The following PRKN variants were observed in gnomAD, a reference collection of about 807,000 sequenced individuals.
The protein encoded by PRKN is parkin RBR E3 ubiquitin protein ligase, also known as E3 ubiquitin-protein ligase parkin.
PRKN carries 56 observed loss-of-function variants against 59.5 expected under a neutral mutation model. That is an observed-to-expected ratio of 0.94 (90% CI 0.76 to 1.18). PRKN has a LOEUF of 1.18. PRKN is among the 50% of genes most tolerant of loss of function. The pLI, the probability that PRKN is intolerant of heterozygous loss-of-function variation, is 0.00. For synonymous variants in PRKN, 250 were observed against 222.1 expected (o/e 1.13, Z -1.12); for missense variants, 657 against 596.4 (o/e 1.10, Z -1.06).
chr6:162,268,309 G>T (rs1235093471), intron 2 of PRKN, among the ~76,000 whole-genome samples: 1 of 152,082 alleles, frequency 6.6e-6, no homozygotes, highest in Admixed American at 6.6e-5. Flanking sequence ...TTCATGAATG[G>T]GATTAGTGCC....
chr6:161,719,605 C>G (rs928754332), intron 7 of PRKN, among the ~76,000 whole-genome samples: 4 of 152,064 alleles, frequency 2.6e-5, no homozygotes, highest in Admixed American at 2.6e-4. Context: ...GAATATAATA[C>G]TATTTAGCCT....
intron 1 of PRKN, among the ~76,000 whole-genome samples, chr6:162,680,155 A>C (rs1458048586): frequency 6.6e-6 from 1 of 151,500 alleles, no homozygotes; most frequent in Non-Finnish European, 1.5e-5. Flanking sequence ...ATATACACTT[A>C]ATATATACTT....
chr6:162,497,577 A>G (rs1583671697), intron 1 of PRKN, among the ~76,000 whole-genome samples: 1 of 152,164 alleles, frequency 6.6e-6, no homozygotes, highest in South Asian at 2.1e-4. Flanking sequence ...ACTTAGAATC[A>G]TTTTGCAGAG....
At chr6:162,030,564 C>A (rs776186684) in intron 5 of PRKN, among the ~76,000 whole-genome samples, 1 of 152,180 alleles carries the variant, frequency 6.6e-6, no homozygotes, top group Non-Finnish European at 1.5e-5. Flanking sequence ...TGGTTTAAGG[C>A]CTTTCCAGCA....
intron 4 of PRKN, among the ~76,000 whole-genome samples, chr6:162,112,742 C>T (rs934891749): frequency 6.6e-6 from 1 of 151,596 alleles, no homozygotes; most frequent in African/African-American, 2.4e-5. Context: ...AGTTCAAGAT[C>T]AGCTTCAGAA....
chr6:162,010,373 T>A (rs1782461269), intron 5 of PRKN, among the ~76,000 whole-genome samples: 1 of 116,412 alleles, frequency 8.6e-6, no homozygotes, highest in South Asian at 2.3e-4. Flanking sequence ...TAATATACAT[T>A]TATAATATAT....
At position 162,294,973 on chromosome 6, in the gene PRKN, T is replaced by C. The variant is rs369821006; in HGVS notation, c.172-32208A>G. Reference sequence around the variant, plus strand: ...CCTCGATCACTAACCCTAGTAACCATACTTATTAGCTAAAACCTCTGCCTC... The same window carrying C: ...CCTCGATCACTAACCCTAGTAACCACACTTATTAGCTAAAACCTCTGCCTC... On this transcript the variant is annotated intron_variant, in intron 2 of 11. Coordinates refer to ENST00000366898, the MANE Select transcript of PRKN (RefSeq NM_004562.3). Among the ~76,000 whole-genome samples, 103 of 152,268 alleles carry C rather than the reference T, an allele frequency of 6.8e-4. 2 individuals are homozygous for C. The South Asian group carries it at 0.02, about 29-fold the overall frequency.
At chr6:162,050,103 G>C (rs1209082765) in intron 5 of PRKN, among the ~76,000 whole-genome samples, 1 of 151,860 alleles carries the variant, frequency 6.6e-6, no homozygotes, top group Non-Finnish European at 1.5e-5. Flanking sequence ...CCTTTTCCTG[G>C]GATGCTGAAC....
chr6:161,895,571 TATA>T (rs1398250139), intron 6 of PRKN, among the ~76,000 whole-genome samples: 3 of 106,788 alleles, frequency 2.8e-5, no homozygotes, highest in South Asian at 3.5e-4. Context: ...CACCTGCCGT[TATA>T]CACCCCAGTG....
intron 7 of PRKN, among the ~76,000 whole-genome samples, chr6:161,572,498 AAAAATAC>A (rs904731339): frequency 2.0e-5 from 3 of 152,078 alleles, no homozygotes; most frequent in African/African-American, 7.2e-5. Context: ...TGTTTCTACT[AAAAATAC>A]AAAAATTAGT....
intron 7 of PRKN, among the ~76,000 whole-genome samples, chr6:161,717,845 C>T (rs1272395096): frequency 6.6e-6 from 1 of 152,116 alleles, no homozygotes; most frequent in Non-Finnish European, 1.5e-5. Flanking sequence ...AGGCCCGCTT[C>T]CATCCCGCTG....
chr6:162,339,808 C>T (rs1468073297), intron 2 of PRKN, among the ~76,000 whole-genome samples: 1 of 149,436 alleles, frequency 6.7e-6, no homozygotes, highest in Non-Finnish European at 1.5e-5. Context: ...AATTCTTCTG[C>T]CTTGGGATCC....
intron 1 of PRKN, among the ~76,000 whole-genome samples, chr6:162,527,129 G>C (rs568816595): frequency 2.0e-5 from 3 of 152,326 alleles, no homozygotes; most frequent in Non-Finnish European, 4.4e-5. Context: ...AAGGTAGGAG[G>C]AGCCAGGGTG....
intron 9 of PRKN, among the ~76,000 whole-genome samples, chr6:161,495,849 C>T (rs1022898414): frequency 2.0e-5 from 3 of 152,210 alleles, no homozygotes; most frequent in African/African-American, 7.2e-5. Context: ...CTTCAGGTCT[C>T]AGTGAAGCTT....
intron 6 of PRKN, among the ~76,000 whole-genome samples, chr6:161,926,101 T>G (rs781057309): frequency 2.6e-5 from 4 of 152,144 alleles, no homozygotes; most frequent in Non-Finnish European, 4.4e-5. Flanking sequence ...AAACGAACTG[T>G]TCTGTTTGAA....
intron 7 of PRKN, among the ~76,000 whole-genome samples, chr6:161,590,659 G>A (rs1781686508): frequency 6.6e-6 from 1 of 151,986 alleles, no homozygotes; most frequent in Admixed American, 6.6e-5. Context: ...CTTGAACCCA[G>A]GAGGTGGAGG....
At position 162,015,495 on chromosome 6, in the gene PRKN, T is replaced by C. The variant is rs1782902232; in HGVS notation, c.618+38596A>G. 2.0e-5 allele frequency among the ~76,000 whole-genome samples: 3 copies of C among 152,260 alleles called. No individual in the cohort carries two copies. The South Asian group carries it at 6.2e-4, about 32-fold the overall frequency. On this transcript the variant is annotated intron_variant, in intron 5 of 11. Coordinates refer to ENST00000366898, the MANE Select transcript of PRKN (RefSeq NM_004562.3). Reference sequence around the variant, plus strand: ...TAATATTCTCCCGTTCAAGGTCCAGTTTCAGCCACAGCCTAATTTTCAACA... The same window carrying C: ...TAATATTCTCCCGTTCAAGGTCCAGCTTCAGCCACAGCCTAATTTTCAACA...
chr6:162,486,408 T>C (rs1166743788), intron 1 of PRKN, among the ~76,000 whole-genome samples: 1 of 152,342 alleles, frequency 6.6e-6, no homozygotes, highest in Non-Finnish European at 1.5e-5. Flanking sequence ...GGTGTCATGG[T>C]GTACCACACC....
At chr6:162,566,519 T>C (rs1780087752) in intron 1 of PRKN, among the ~76,000 whole-genome samples, 2 of 152,206 alleles carry the variant, frequency 1.3e-5, no homozygotes, top group South Asian at 4.1e-4. Context: ...TGTCAATATA[T>C]TGGAAAGTCT....
Sources: gnomAD v4.1 joint callset for allele counts (sites outside exome capture counted in the v4.1 genomes callset) on GRCh38, gnomAD v4.1.1 for gene constraint, MANE v1.5 for transcripts, NCBI Gene and HGNC (gene_info 2026-07-23, HGNC 2026-07-21) for gene names.